The following IFT172 variants were observed in gnomAD, a reference collection of about 807,000 sequenced individuals.
The protein encoded by IFT172 is intraflagellar transport 172.
In IFT172, 164 loss-of-function variants were observed where a neutral mutation model predicts 248.9. That is an observed-to-expected ratio of 0.66 (90% CI 0.58 to 0.75). The LOEUF (loss-of-function observed/expected upper bound fraction) is 0.75, where lower values mean the gene tolerates loss of function less well. Ranked by LOEUF, IFT172 falls within the 30% of genes least tolerant of loss-of-function variation. The pLI is 0.00. For missense variants in IFT172, 1,950 were observed against 2,192.4 expected (o/e 0.89, Z 2.21); for synonymous variants, 729 against 791.6 (o/e 0.92, Z 1.33).
intron 20 of IFT172, among the ~76,000 whole-genome samples, chr2:27,462,091 G>A (rs1233280544): frequency 3.3e-5 from 5 of 152,156 alleles, no homozygotes; most frequent in African/African-American, 1.2e-4. Context: ...AAGTGCAGTT[G>A]TGTGATCTCG....
At chr2:27,472,217 G>A (rs1013553005) in intron 15 of IFT172, 33 bp downstream of exon 15, 19 of 1,501,072 alleles carry the variant, frequency 1.3e-5, no homozygotes, top group Non-Finnish European at 1.8e-5. Flanking sequence ...CTGTGGGCCA[G>A]CCAATGCCTA....
At position 27,447,604 on chromosome 2, in the gene IFT172, T is replaced by C; in HGVS notation, c.4570A>G (p.Asn1524Asp). 1 of 1,614,102 alleles carries C rather than the reference T, an allele frequency of 6.2e-7. No individual in the cohort carries two copies. Among genetic ancestry groups the C allele is most frequent in the Non-Finnish European group, 8.5e-7 (1 of 1,180,016 alleles). Reference sequence around the variant, plus strand: ...TTGAACTCCTCATGGGCTGGAGAGTTTGCCTCACTGGACTTCACCAGGTTT... The same window carrying C: ...TTGAACTCCTCATGGGCTGGAGAGTCTGCCTCACTGGACTTCACCAGGTTT... ...CENLVKSSEA[N>D]SPAHEEFKTM... is the part of the protein sequence containing the mutation. The change falls in exon 42 of 48, where the codon AAC becomes GAC. Residue 1524 changes from asparagine (N) to aspartate (D), a missense_variant. Coordinates refer to ENST00000260570, the MANE Select transcript of IFT172 (RefSeq NM_015662.3).
In IFT172 at chr2:27,445,406, G is replaced by T. The variant is rs377579450; in HGVS notation, c.4958C>A (p.Ser1653Tyr). 1 of 1,612,522 alleles carries T rather than the reference G, an allele frequency of 6.2e-7. No individual in the cohort carries two copies. Among genetic ancestry groups the T allele is most frequent in the Non-Finnish European group, 8.5e-7 (1 of 1,179,430 alleles). The change falls in exon 46 of 48, where the codon TCC becomes TAC. Residue 1653 changes from serine (S) to tyrosine (Y), a missense_variant. Physicochemically the swap from Ser to Tyr is moderately radical, Grantham distance 144. Coordinates refer to ENST00000260570, the MANE Select transcript of IFT172 (RefSeq NM_015662.3). This position sits in a 1 kb window ranked among gnomAD's most constrained non-coding sequence, Gnocchi z 4.4. Reference sequence around the variant, plus strand: ...AACCTGCTCCAGCCGCTGGTCCATGGAGACTGTAAGCACCCAGTCTCGAAC... The same window carrying T: ...AACCTGCTCCAGCCGCTGGTCCATGTAGACTGTAAGCACCCAGTCTCGAAC... ...EEVRDWVLTV[S>Y]MDQRLEQVLP... is the part of the protein sequence containing the mutation.
At chr2:27,470,218 T>C (rs1402423625) in intron 16 of IFT172, among the ~76,000 whole-genome samples, 1 of 148,816 alleles carries the variant, frequency 6.7e-6, no homozygotes, top group Non-Finnish European at 1.5e-5. Context: ...CACTCCAGCC[T>C]GGGAGATAGT....
chr2:27,444,599 G>A, intron 47 of IFT172, 78 bp from the exon 48 acceptor site: 1 of 1,080,738 alleles, frequency 9.3e-7, no homozygotes, highest in African/African-American at 1.5e-5. Flanking sequence ...AGGCTTCAGG[G>A]TCTGCATCTG....
At position 27,483,666 on chromosome 2, in the gene IFT172, A is replaced by G. The variant is rs756685258; in HGVS notation, c.403-7T>C. On this transcript the variant is annotated splice_polypyrimidine_tract_variant and splice_region_variant and intron_variant, in intron 5 of 47. Coordinates refer to ENST00000260570, the MANE Select transcript of IFT172 (RefSeq NM_015662.3). ...TGGTGTTTGCTAAACGAACCTGAAA[A>G]TGGAAAAATTGATACAAGTATGGTT... The G allele has an allele frequency of 6.2e-7, 1 of 1,613,894 alleles. No homozygotes were observed. Among genetic ancestry groups the G allele is most frequent in the Non-Finnish European group, 8.5e-7 (1 of 1,179,848 alleles).
Position 27,463,135 on chromosome 2 carries a change from C to T in IFT172, c.1984G>A (p.Glu662Lys). 6.2e-7 allele frequency: 1 copy of T among 1,614,138 alleles called. No homozygotes were observed. Among genetic ancestry groups the T allele is most frequent in the Non-Finnish European group, 8.5e-7 (1 of 1,180,022 alleles). The stretch of plus-strand genomic sequence containing the variant: ...ACTTGATCTGCAATCTCATTGGTCT[C>T]ATGCAGGAATCGAGCTTTTGCTACT... ...GQVAKARFLH[E>K]TNEIADQVSR... The change falls in exon 19 of 48, where the codon GAG (glutamate) becomes AAG (lysine). Residue 662 changes from glutamate (E) to lysine (K), a missense_variant. Glu to Lys is a moderately conservative substitution (Grantham distance 56). Transcript: ENST00000260570.
chr2:27,482,732 C>T (rs2148554593), intron 7 of IFT172, among the ~76,000 whole-genome samples: 1 of 152,164 alleles, frequency 6.6e-6, no homozygotes, highest in South Asian at 2.1e-4. Flanking sequence ...ATATATTTTA[C>T]ATAAATGGGA....
intron 16 of IFT172, among the ~76,000 whole-genome samples, chr2:27,467,633 AAAAGG>A: frequency 6.7e-6 from 1 of 150,158 alleles, no homozygotes; most frequent in Non-Finnish European, 1.5e-5. Context: ...AAAAAAAAAA[AAAAGG>A]AAATTATCCA....
In IFT172 at chr2:27,461,458, C is replaced by T. The variant is rs774006562; in HGVS notation, c.2253G>A (p.Gln751=). The T allele has an allele frequency of 1.9e-6, 3 of 1,614,178 alleles. No homozygotes were observed. In the South Asian group the frequency reaches 3.3e-5, roughly 18 times the overall value. The change falls in exon 22 of 48, where the codon CAG becomes CAA. Residue 751 remains glutamine (Q), a synonymous_variant. Transcript: ENST00000260570. The part of the protein sequence containing the change: ...RSYYQWLMDT[Q]QEERAGELQE... The stretch of plus-strand genomic sequence containing the variant: ...GTAGTTCACCTGCTCGCTCCTCTTG[C>T]TGTGTGTCCATCAGCCACTGGTAGT...
At position 27,476,644 on chromosome 2, in the gene IFT172, T is replaced by C. The variant is rs563278243; in HGVS notation, c.1408A>G (p.Ile470Val). Residue 470 changes from isoleucine (I) to valine (V), a missense_variant, in exon 14 of 48, where the codon ATA becomes GTA. Coordinates refer to ENST00000260570, the MANE Select transcript of IFT172 (RefSeq NM_015662.3). The stretch of plus-strand genomic sequence containing the variant: ...ATTATGAGAGAGTCTTACTCACCTA[T>C]AGCAATAGTCTTAATATCAATAAGA... ...AYLIDIKTIA[I>V]VDLIGGYNIG... The C allele has an allele frequency of 3.2e-6, 5 of 1,545,564 alleles. No homozygotes were observed. Among genetic ancestry groups the C allele is most frequent in the African/African-American group, 2.7e-5 (2 of 73,610 alleles).
At position 27,489,602 on chromosome 2, in the gene IFT172, C is replaced by T. The variant is rs747789616; in HGVS notation, c.39+13G>A. On this transcript the variant is annotated intron_variant, in intron 1 of 47. Coordinates refer to ENST00000260570, the MANE Select transcript of IFT172 (RefSeq NM_015662.3). ...AAAGCATAAGGGGGAGGGACTGGCA[C>T]GCAATTCCTCACCTGAGGGCTCAGC... The T allele has an allele frequency of 2.6e-5, 41 of 1,604,986 alleles. No homozygotes were observed. The Admixed American group carries it at 6.2e-4, about 24-fold the overall frequency.
intron 20 of IFT172, 72 bp from the exon 21 acceptor site, chr2:27,461,908 A>G (rs1666709952): frequency 2.6e-6 from 4 of 1,554,418 alleles, no homozygotes; most frequent in Non-Finnish European, 3.5e-6. Flanking sequence ...AGCTCTCCTC[A>G]GCCTGGCTAA....
chr2:27,473,445 G>A (rs1273519959), intron 14 of IFT172, among the ~76,000 whole-genome samples: 9 of 148,724 alleles, frequency 6.1e-5, no homozygotes, highest in Non-Finnish European at 1.0e-4. Context: ...TGAGTAGCTG[G>A]GACTACAGGC....
At position 27,450,035 on chromosome 2, in the gene IFT172, A is replaced by G. The variant is rs752194741; in HGVS notation, c.4013T>C (p.Val1338Ala). 4.3e-6 allele frequency: 7 copies of G among 1,614,158 alleles called. No homozygotes were observed. The highest frequency in any genetic ancestry group is 5.9e-6 in the Non-Finnish European group (7 of 1,179,996). ...PQRNMEVVLA[V>A]GPQLIGIGKH... is the part of the protein sequence containing the mutation. ...TCCAATTCCAATCAGCTGGGGTCCT[A>G]CAGCCAGAACGACTTCCATATTACG... is the stretch of plus-strand genomic sequence containing the variant. The change falls in exon 36 of 48, where the codon GTA becomes GCA. Residue 1338 changes from valine to alanine, a missense_variant. By Grantham distance (64) the Val-to-Ala change is moderately conservative. Coordinates refer to ENST00000260570, the MANE Select transcript of IFT172 (RefSeq NM_015662.3).
intron 42 of IFT172, 195 bp from the exon 43 acceptor site, chr2:27,446,550 T>G (rs111691903): frequency 1.9e-6 from 1 of 524,420 alleles, no homozygotes; most frequent in Non-Finnish European, 3.4e-6. Flanking sequence ...GTTCAATTCT[T>G]TCGCCCAGGC....
intron 26 of IFT172, 84 bp downstream of exon 26, chr2:27,458,695 G>A (rs1666383318): frequency 2.2e-5 from 33 of 1,488,606 alleles, no homozygotes; most frequent in Non-Finnish European, 2.7e-5. Flanking sequence ...GGAGCCAAGC[G>A]AAGAGGAGAA....
chr2:27,479,247 C>T (rs1393901440), intron 10 of IFT172, among the ~76,000 whole-genome samples: 2 of 152,072 alleles, frequency 1.3e-5, no homozygotes, highest in Admixed American at 6.6e-5. Context: ...CCTTGTGATC[C>T]GCCCGCCTCG....
chr2:27,473,601 C>T (rs991119417), intron 14 of IFT172, among the ~76,000 whole-genome samples: 4 of 151,370 alleles, frequency 2.6e-5, no homozygotes, highest in Admixed American at 6.6e-5. Flanking sequence ...TGAGCCACTG[C>T]GCCTGGCCGA....
Sources: allele counts gnomAD v4.1 joint callset (sites outside exome capture counted in the v4.1 genomes callset), GRCh38; gene constraint gnomAD v4.1.1; non-coding constraint Gnocchi (gnomAD v3.1); transcripts MANE v1.5; gene names NCBI Gene and HGNC (gene_info 2026-07-23, HGNC 2026-07-21).